PRKCA: variants seen among roughly 807,000 people sequenced by gnomAD.
PRKCA encodes the protein protein kinase C alpha type.
PRKCA carries 27 observed loss-of-function variants against 87.0 expected under a neutral mutation model. That is an observed-to-expected ratio of 0.31 (90% CI 0.23 to 0.43). The LOEUF (loss-of-function observed/expected upper bound fraction) is 0.43, where lower values mean the gene tolerates loss of function less well. Ranked by LOEUF, PRKCA falls within the 20% of genes least tolerant of loss-of-function variation. PRKCA has a pLI of 1.00. For missense variants in PRKCA, 518 were observed against 852.3 expected (o/e 0.61, Z 4.88); for synonymous variants, 329 against 311.1 (o/e 1.06, Z -0.61).
At position 66,683,819 on chromosome 17, in the gene PRKCA, C is replaced by T. The variant is rs570740069; in HGVS notation, c.530-3292C>T. 9.9e-5 allele frequency among the ~76,000 whole-genome samples: 15 copies of T among 152,236 alleles called. 1 individual carries two copies. Among genetic ancestry groups the T allele is most frequent in the African/African-American group, 3.6e-4 (15 of 41,546 alleles). ...TTCACCATGTTGGCCAGACTGGTCT[C>T]AAACTCCCAACATCATGTGATCCAC... On this transcript the variant is annotated intron_variant, in intron 5 of 16. Transcript: ENST00000413366.
At chr17:66,318,551 A>G (rs999279420) in intron 2 of PRKCA, among the ~76,000 whole-genome samples, 4 of 152,136 alleles carry the variant, frequency 2.6e-5, no homozygotes, top group African/African-American at 9.7e-5. Flanking sequence ...AATAGTTGGT[A>G]TGCTTAAGAC....
chr17:66,632,252 A>G (rs1971036678), intron 3 of PRKCA, among the ~76,000 whole-genome samples: 1 of 152,226 alleles, frequency 6.6e-6, no homozygotes, highest in Non-Finnish European at 1.5e-5. Flanking sequence ...ATAATGTTAA[A>G]AGTCTCATTT....
At chr17:66,626,601 A>T (rs1158344966) in intron 3 of PRKCA, among the ~76,000 whole-genome samples, 2 of 148,982 alleles carry the variant, frequency 1.3e-5, no homozygotes, top group Non-Finnish European at 3.0e-5. Context: ...CGATCTGCTG[A>T]CCTCGTGATC....
At chr17:66,559,479 CAAAAAAAAAAAA>C (rs34998780) in intron 3 of PRKCA, among the ~76,000 whole-genome samples, 3 of 36,688 alleles carry the variant, frequency 8.2e-5, no homozygotes, top group Non-Finnish European at 4.5e-5. Context: ...TCTGTCTCAC[CAAAAAAAAAAAA>C]AAAAAAAAAA....
chr17:66,568,050 C>T (rs1277550424), intron 3 of PRKCA, among the ~76,000 whole-genome samples: 1 of 152,210 alleles, frequency 6.6e-6, no homozygotes. Flanking sequence ...CGTGGTGACT[C>T]ATGCCTGTAA....
intron 3 of PRKCA, among the ~76,000 whole-genome samples, chr17:66,520,828 AG>A (rs1162525989): frequency 6.6e-6 from 1 of 152,230 alleles, no homozygotes; most frequent in African/African-American, 2.4e-5. Context: ...TATCAGGAAA[AG>A]TAAAATGACT....
chr17:66,422,838 T>C (rs1249329201), intron 2 of PRKCA, among the ~76,000 whole-genome samples: 1 of 152,202 alleles, frequency 6.6e-6, no homozygotes, highest in Non-Finnish European at 1.5e-5. Flanking sequence ...AGGCCGGGCA[T>C]GGTGGCTCAC....
chr17:66,616,083 G>A (rs1404495173), intron 3 of PRKCA, among the ~76,000 whole-genome samples: 1 of 152,216 alleles, frequency 6.6e-6, no homozygotes, highest in Non-Finnish European at 1.5e-5. Flanking sequence ...AGGACAAACA[G>A]ACGCCTTTTT....
chr17:66,685,999 G>A (rs1342454426), intron 5 of PRKCA, among the ~76,000 whole-genome samples: 1 of 152,118 alleles, frequency 6.6e-6, no homozygotes, highest in Non-Finnish European at 1.5e-5. Context: ...CACTGAATCA[G>A]GGAGCCTGGT....
intron 14 of PRKCA, chr17:66,777,886 C>T (rs1260425630): frequency 1.0e-6 from 1 of 985,296 alleles, no homozygotes; most frequent in Non-Finnish European, 1.2e-6. Flanking sequence ...CCTCCCGCAG[C>T]CTGGCTTCTC....
chr17:66,651,255 A>G (rs1309036394), intron 5 of PRKCA, among the ~76,000 whole-genome samples: 1 of 152,214 alleles, frequency 6.6e-6, no homozygotes, highest in Non-Finnish European at 1.5e-5. Flanking sequence ...TTTTCAAAGT[A>G]TGAGAGCTGC....
rs10580380 is a variant in PRKCA at position 66,368,338 on chromosome 17, ATGTGTG to A, written c.205+62227_205+62232del. On this transcript the variant is annotated intron_variant, in intron 2 of 16. Coordinates refer to ENST00000413366, the MANE Select transcript of PRKCA (RefSeq NM_002737.3). ...TGTTTATCTATATGTGTGTGTATAT[ATGTGTG>A]TGTGTGTGTGTGTGTATATGTATAT... Among the ~76,000 whole-genome samples the A allele has an allele frequency of 6.6e-3, 710 of 106,808 alleles. 8 individuals are homozygous for A. Among genetic ancestry groups the A allele is most frequent in the African/African-American group, 0.024 (668 of 27,380 alleles). 70.1% of individuals were successfully genotyped at this position (106,808 alleles called of 152,430 possible). A position where few individuals can be genotyped will look rare whatever the true frequency, so the allele number is the denominator to read the frequency against.
intron 13 of PRKCA, among the ~76,000 whole-genome samples, chr17:66,745,815 T>C (rs1395125698): frequency 1.3e-5 from 2 of 152,186 alleles, no homozygotes; most frequent in African/African-American, 4.8e-5. Context: ...TAAGGCCACG[T>C]TACTGAGAAA....
At chr17:66,645,736 T>C (rs1971434483) in intron 5 of PRKCA, among the ~76,000 whole-genome samples, 1 of 152,138 alleles carries the variant, frequency 6.6e-6, no homozygotes, top group South Asian at 2.1e-4. Context: ...AAATACTCAA[T>C]GTCACACAAA....
At chr17:66,536,220 A>T (rs951027991) in intron 3 of PRKCA, among the ~76,000 whole-genome samples, 2 of 152,376 alleles carry the variant, frequency 1.3e-5, no homozygotes, top group Admixed American at 1.3e-4. Flanking sequence ...TGTGTAAGAA[A>T]TATGAGTTAT....
At chr17:66,649,459 A>G (rs1463308603) in intron 5 of PRKCA, among the ~76,000 whole-genome samples, 1 of 152,248 alleles carries the variant, frequency 6.6e-6, no homozygotes, top group African/African-American at 2.4e-5. Flanking sequence ...AACCAATCCC[A>G]TGAAGTAAAT....
At chr17:66,648,085 G>A (rs1018421160) in intron 5 of PRKCA, among the ~76,000 whole-genome samples, 17 of 152,304 alleles carry the variant, frequency 1.1e-4, no homozygotes, top group African/African-American at 3.4e-4. Flanking sequence ...TGAAGGCTCC[G>A]TCTCTGCTTC....
In PRKCA at chr17:66,804,808, G is replaced by A. The variant is rs1975992015; in HGVS notation, c.*771G>A. 1 of 167,058 alleles carries A rather than the reference G, an allele frequency of 6.0e-6. No homozygotes were observed. Among genetic ancestry groups the A allele is most frequent in the Non-Finnish European group, 1.2e-5 (1 of 81,204 alleles). The allele number at this position is 167,058 out of a possible 1,614,324, so 10.3% of individuals were successfully genotyped here. A position where few individuals can be genotyped will look rare whatever the true frequency, so the allele number is the denominator to read the frequency against. ...TGAAATCATTTCAGATCAAGGATAA[G>A]CCAGTGTGTACATATGTTCATTTTA... is the stretch of plus-strand genomic sequence containing the variant. On this transcript the variant is annotated 3_prime_UTR_variant, in exon 17 of 17. Transcript: ENST00000413366.
chr17:66,503,914 A>G (rs1302739784), intron 3 of PRKCA, among the ~76,000 whole-genome samples: 1 of 152,172 alleles, frequency 6.6e-6, no homozygotes, highest in Non-Finnish European at 1.5e-5. Flanking sequence ...TTCTACCCCC[A>G]AAACATTTTT....
Sources: gnomAD v4.1 joint callset for allele counts (sites outside exome capture counted in the v4.1 genomes callset) on GRCh38, gnomAD v4.1.1 for gene constraint, MANE v1.5 for transcripts, NCBI Gene and HGNC (gene_info 2026-07-23, HGNC 2026-07-21) for gene names.